The following JARID2 variants were observed in gnomAD, a reference collection of about 807,000 sequenced individuals.
JARID2 encodes the protein jumonji and AT-rich interaction domain containing 2, also known as protein Jumonji.
A neutral mutation model predicts 125.6 loss-of-function variants in JARID2; 21 were observed. That is an observed-to-expected ratio of 0.17 (90% CI 0.12 to 0.24). The LOEUF (loss-of-function observed/expected upper bound fraction) is 0.24. Among genes scored for constraint, JARID2 ranks in the 10% least tolerant of loss-of-function variants. The probability of loss-of-function intolerance (pLI) is 1.00; values close to 1 mark genes in which losing one functional copy is unlikely to be tolerated. For synonymous variants in JARID2, 736 were observed against 661.6 expected (o/e 1.11, Z -1.73); for missense variants, 1,303 against 1,639.6 (o/e 0.79, Z 3.55).
chr6:15,323,565 A>G (rs1486953333), intron 1 of JARID2, among the ~76,000 whole-genome samples: 4 of 152,162 alleles, frequency 2.6e-5, no homozygotes, highest in Non-Finnish European at 5.9e-5. Flanking sequence ...AGGGGTTTGG[A>G]CTTAAGCATA....
intron 2 of JARID2, among the ~76,000 whole-genome samples, chr6:15,380,585 G>A (rs1186237711): frequency 2.6e-5 from 4 of 152,128 alleles, no homozygotes; most frequent in Non-Finnish European, 4.4e-5. Flanking sequence ...CTCACTGGAC[G>A]GATGGTGCAT....
chr6:15,482,737 C>G (rs752969649), intron 5 of JARID2, among the ~76,000 whole-genome samples: 7 of 152,202 alleles, frequency 4.6e-5, no homozygotes, highest in Non-Finnish European at 8.8e-5. Context: ...ATAGTAGGCT[C>G]TACTGGTAGT....
At chr6:15,425,853 A>G (rs550229116) in intron 3 of JARID2, among the ~76,000 whole-genome samples, 1 of 152,338 alleles carries the variant, frequency 6.6e-6, no homozygotes, top group East Asian at 1.9e-4. Context: ...AAATTGCGGC[A>G]GCTTCAATAT....
chr6:15,477,504 GTTTTTTTTT>G (rs56055395), intron 5 of JARID2, among the ~76,000 whole-genome samples: 4 of 137,438 alleles, frequency 2.9e-5, no homozygotes, highest in African/African-American at 5.4e-5. Flanking sequence ...GGGAGTGTTG[GTTTTTTTTT>G]TTTTTTTTTT....
chr6:15,253,678 G>A (rs1759542853), intron 1 of JARID2, among the ~76,000 whole-genome samples: 1 of 151,768 alleles, frequency 6.6e-6, no homozygotes, highest in African/African-American at 2.4e-5. Context: ...TTTTAAGGGT[G>A]CTGCCCACCT....
At chr6:15,401,088 G>C (rs1369035283) in intron 2 of JARID2, 1 of 1,288,894 alleles carries the variant, frequency 7.8e-7, no homozygotes, top group East Asian at 5.6e-5. Flanking sequence ...GCTTTTGTTG[G>C]AGAAATAGGC....
intron 1 of JARID2, among the ~76,000 whole-genome samples, chr6:15,293,187 G>A (rs1232937027): frequency 6.6e-6 from 1 of 152,178 alleles, no homozygotes; most frequent in African/African-American, 2.4e-5. Context: ...GCAGTAGTCA[G>A]GACCTCTACT....
chr6:15,407,462 TCTTA>T (rs1264963920), intron 2 of JARID2, among the ~76,000 whole-genome samples: 3 of 150,886 alleles, frequency 2.0e-5, no homozygotes, highest in Non-Finnish European at 2.9e-5. Flanking sequence ...AGCTTAACTT[TCTTA>T]CTTACTTGCT....
intron 4 of JARID2, among the ~76,000 whole-genome samples, chr6:15,458,747 C>T (rs1197905317): frequency 1.3e-5 from 2 of 152,212 alleles, no homozygotes; most frequent in African/African-American, 4.8e-5. Flanking sequence ...CTGACATTTG[C>T]TGCGGGTCTC....
At chr6:15,373,367 TTG>T (rs1764240475) in intron 1 of JARID2, among the ~76,000 whole-genome samples, 1 of 152,244 alleles carries the variant, frequency 6.6e-6, no homozygotes, top group African/African-American at 2.4e-5. Context: ...GGCTGGCTGT[TTG>T]TTTTTGGTCA....
At chr6:15,445,739 G>A (rs1362201555) in intron 3 of JARID2, among the ~76,000 whole-genome samples, 3 of 152,200 alleles carry the variant, frequency 2.0e-5, no homozygotes, top group Admixed American at 6.5e-5. Context: ...TTAGAAAAGC[G>A]CCTTGTGCCA....
chr6:15,275,524 GCCCCCCCCGCCC>G (rs1454451231), intron 1 of JARID2, among the ~76,000 whole-genome samples: 3 of 6,764 alleles, frequency 4.4e-4, no homozygotes, highest in African/African-American at 1.2e-3. Context: ...TCCATTTACC[GCCCCCCCCGCCC>G]CCCCCCCCGT....
At chr6:15,460,127 A>G (rs1408122989) in intron 4 of JARID2, among the ~76,000 whole-genome samples, 1 of 152,172 alleles carries the variant, frequency 6.6e-6, no homozygotes, top group African/African-American at 2.4e-5. Context: ...TCCTAGAGTC[A>G]GTTACCTGTT....
intron 12 of JARID2, among the ~76,000 whole-genome samples, chr6:15,509,599 G>C (rs1771177507): frequency 6.6e-6 from 1 of 152,264 alleles, no homozygotes; most frequent in Non-Finnish European, 1.5e-5. Flanking sequence ...AGCCGGGCCA[G>C]GCCACCAGCT....
At position 15,336,108 on chromosome 6, in the gene JARID2, AATGAAT is replaced by A. The variant is rs1581426635; in HGVS notation, c.46-38008_46-38003del. Reference sequence around the variant, plus strand: ...GGGTGAATGAATGAATGAATGAATGAATGAATGAATAAATAAATAAATAAAGGCATG... The same window carrying A: ...GGGTGAATGAATGAATGAATGAATGAGAATAAATAAATAAATAAAGGCATG... On this transcript the variant is annotated intron_variant, in intron 1 of 17. Transcript: ENST00000341776. 2.6e-5 allele frequency among the ~76,000 whole-genome samples: 4 copies of A among 152,208 alleles called. No homozygotes were observed. The East Asian group carries it at 7.7e-4, about 29-fold the overall frequency.
At chr6:15,266,249 T>G (rs1298404529) in intron 1 of JARID2, among the ~76,000 whole-genome samples, 1 of 152,140 alleles carries the variant, frequency 6.6e-6, no homozygotes, top group African/African-American at 2.4e-5. Context: ...TGGCCCCTCT[T>G]TTAAAGAGCT....
intron 1 of JARID2, among the ~76,000 whole-genome samples, chr6:15,315,948 A>G (rs772413610): frequency 1.3e-5 from 2 of 152,148 alleles, no homozygotes; most frequent in Non-Finnish European, 2.9e-5. Context: ...ATTGATTTAA[A>G]GTGACTGAGG....
chr6:15,321,702 T>C (rs1380532018), intron 1 of JARID2, among the ~76,000 whole-genome samples: 1 of 151,716 alleles, frequency 6.6e-6, no homozygotes, highest in African/African-American at 2.4e-5. Context: ...ACAACAGAAA[T>C]GCTTTCTTTG....
At chr6:15,287,460 C>G (rs794775) in intron 1 of JARID2, among the ~76,000 whole-genome samples, 15,638 of 152,226 alleles carry the variant, frequency 0.1, 948 homozygotes, top group Non-Finnish European at 0.13. Flanking sequence ...TCAAGATAAT[C>G]TGCAACCACT....
Sources: gnomAD v4.1 joint callset for allele counts (sites outside exome capture counted in the v4.1 genomes callset) on GRCh38, gnomAD v4.1.1 for gene constraint, MANE v1.5 for transcripts, NCBI Gene and HGNC (gene_info 2026-07-23, HGNC 2026-07-21) for gene names.